The following ARHGAP24 variants were observed in gnomAD, a reference collection of about 807,000 sequenced individuals.
ARHGAP24 encodes Rho GTPase activating protein 24, also known as rho GTPase-activating protein 24.
In ARHGAP24, 50 loss-of-function variants were observed where a neutral mutation model predicts 76.4. The observed-to-expected ratio is 0.65, with a 90% CI of 0.52 to 0.83. The LOEUF (loss-of-function observed/expected upper bound fraction) is 0.83. ARHGAP24 is among the 40% of genes least tolerant of loss of function. The pLI is 0.00. For synonymous variants in ARHGAP24, 345 were observed against 323.3 expected, an observed-to-expected ratio of 1.07 and a Z score of -0.72; for missense variants, 930 against 914.2, an observed-to-expected ratio of 1.02 and a Z score of -0.22.
chr4:85,910,861 T>C (rs1292200533), intron 3 of ARHGAP24, among the ~76,000 whole-genome samples: 1 of 151,742 alleles, frequency 6.6e-6, no homozygotes, highest in African/African-American at 2.4e-5. Context: ...GCCCCCAGCC[T>C]TCAGGTCATC....
At chr4:85,540,859 A>AT (rs887905002) in intron 1 of ARHGAP24, among the ~76,000 whole-genome samples, 3 of 152,010 alleles carry the variant, frequency 2.0e-5, no homozygotes, top group Non-Finnish European at 4.4e-5. Context: ...GCTTAGAAGT[A>AT]TTTTTTTACA....
chr4:85,556,324 G>A (rs1726364658), intron 1 of ARHGAP24, among the ~76,000 whole-genome samples: 2 of 152,200 alleles, frequency 1.3e-5, no homozygotes, highest in African/African-American at 4.8e-5. Context: ...AAAGCCATTA[G>A]CAATGGGAAT....
chr4:85,570,331 CTCTT>C (rs902750387), intron 1 of ARHGAP24, among the ~76,000 whole-genome samples, 187 bp from the exon 2 acceptor site: 8 of 151,902 alleles, frequency 5.3e-5, no homozygotes, highest in African/African-American at 1.2e-4. Context: ...TTCTCTCTCT[CTCTT>C]TCTTTTTTTC....
intron 2 of ARHGAP24, among the ~76,000 whole-genome samples, chr4:85,626,668 T>C (rs1461391844): frequency 6.6e-6 from 1 of 152,180 alleles, no homozygotes; most frequent in African/African-American, 2.4e-5. Context: ...TCCTGCAGAG[T>C]GTTTTCCAAC....
At chr4:85,492,818 C>G (rs1422307847) in intron 1 of ARHGAP24, among the ~76,000 whole-genome samples, 1 of 152,138 alleles carries the variant, frequency 6.6e-6, no homozygotes, top group African/African-American at 2.4e-5. Context: ...AAAATTAACA[C>G]TGATAAAATA....
chr4:85,933,162 A>G (rs978010806), intron 4 of ARHGAP24, among the ~76,000 whole-genome samples: 16 of 152,182 alleles, frequency 1.1e-4, no homozygotes, highest in African/African-American at 3.6e-4. Flanking sequence ...GTCCGAGAAC[A>G]TCAGCTTAAG....
At chr4:85,738,763 T>G (rs1181277600) in intron 3 of ARHGAP24, among the ~76,000 whole-genome samples, 1 of 152,226 alleles carries the variant, frequency 6.6e-6, no homozygotes, top group Non-Finnish European at 1.5e-5. Flanking sequence ...CTTCATTTTT[T>G]GCATGTGGAT....
At chr4:85,900,212 C>A (rs1182093211) in intron 3 of ARHGAP24, among the ~76,000 whole-genome samples, 1 of 152,124 alleles carries the variant, frequency 6.6e-6, no homozygotes, top group Non-Finnish European at 1.5e-5. Context: ...TTATTATCAA[C>A]ATCAATATTA....
intron 2 of ARHGAP24, among the ~76,000 whole-genome samples, chr4:85,669,111 A>G (rs1385491648): frequency 6.6e-6 from 1 of 152,150 alleles, no homozygotes; most frequent in Non-Finnish European, 1.5e-5. Context: ...CTTTTAGCAC[A>G]GTGACCACAC....
chr4:85,997,540 G>A (rs1269673584), intron 9 of ARHGAP24, among the ~76,000 whole-genome samples: 4 of 152,158 alleles, frequency 2.6e-5, no homozygotes, highest in Admixed American at 2.6e-4. Context: ...TAGGTAGACA[G>A]ATAGATAATA....
intron 2 of ARHGAP24, among the ~76,000 whole-genome samples, chr4:85,634,295 A>G (rs1243101310): frequency 4.0e-5 from 6 of 151,898 alleles, no homozygotes; most frequent in African/African-American, 1.2e-4. Context: ...GCCTCCAGTT[A>G]TAACTAATAT....
intron 2 of ARHGAP24, among the ~76,000 whole-genome samples, chr4:85,683,096 C>T (rs1039808351): frequency 1.7e-5 from 1 of 57,972 alleles, no homozygotes. Context: ...CAACTCTTAA[C>T]TCTCTCAGTG....
At chr4:85,921,113 AC>A (rs1428606072) in intron 3 of ARHGAP24, among the ~76,000 whole-genome samples, 1 of 152,266 alleles carries the variant, frequency 6.6e-6, no homozygotes, top group African/African-American at 2.4e-5. Context: ...AATAGTGAAG[AC>A]ATGGAATCAA....
chr4:85,922,363 T>C (rs1289343406), intron 3 of ARHGAP24, among the ~76,000 whole-genome samples: 1 of 152,118 alleles, frequency 6.6e-6, no homozygotes, highest in African/African-American at 2.4e-5. Flanking sequence ...CCAGATTGAG[T>C]GTGAAATAAT....
At chr4:85,500,069 A>G (rs539449533) in intron 1 of ARHGAP24, among the ~76,000 whole-genome samples, 88 of 152,312 alleles carry the variant, frequency 5.8e-4, no homozygotes, top group African/African-American at 2.1e-3. Context: ...TTTAAGACAT[A>G]GTATGAAAAA....
intron 3 of ARHGAP24, among the ~76,000 whole-genome samples, chr4:85,814,448 A>G (rs576742012): frequency 1.3e-5 from 2 of 152,294 alleles, no homozygotes; most frequent in Admixed American, 6.5e-5. Context: ...GGTAACTACA[A>G]CTGATCCAAG....
At position 85,680,502 on chromosome 4, in the gene ARHGAP24, C is replaced by T. The variant is rs77083074; in HGVS notation, c.181-41383C>T. ...AATTTAAATTTTGATGATATTAAAC[C>T]GTGAGATCACAGACCCAGGAGTTAT... On this transcript the variant is annotated intron_variant, in intron 2 of 9. Transcript: ENST00000395184. 6.3e-3 allele frequency among the ~76,000 whole-genome samples: 963 copies of T among 152,086 alleles called. 13 individuals carry two copies. The highest frequency in any genetic ancestry group is 0.021 in the African/African-American group (891 of 41,498).
intron 3 of ARHGAP24, among the ~76,000 whole-genome samples, chr4:85,857,029 T>C (rs1048547568): frequency 1.3e-5 from 2 of 152,184 alleles, no homozygotes; most frequent in Non-Finnish European, 2.9e-5. Flanking sequence ...ATAGATTGTT[T>C]CCATTTTTGT....
At chr4:85,802,964 G>A (rs1227822273) in intron 3 of ARHGAP24, among the ~76,000 whole-genome samples, 4 of 152,194 alleles carry the variant, frequency 2.6e-5, no homozygotes, top group Admixed American at 1.3e-4. Flanking sequence ...GAGCTAGATG[G>A]ACTTGCTTTG....
Sources: gnomAD v4.1 joint callset for allele counts (sites outside exome capture counted in the v4.1 genomes callset) on GRCh38, gnomAD v4.1.1 for gene constraint, MANE v1.5 for transcripts, NCBI Gene and HGNC (gene_info 2026-07-23, HGNC 2026-07-21) for gene names.